The following TBCK variants were observed in gnomAD, a reference collection of about 807,000 sequenced individuals.
TBCK encodes TBC domain-containing protein kinase-like protein.
In TBCK, 99 loss-of-function variants were observed where a neutral mutation model predicts 113.4. That is an observed-to-expected ratio of 0.87 (90% confidence interval 0.74 to 1.03). The LOEUF is 1.03. TBCK is among the 50% of genes least tolerant of loss of function. TBCK has a pLI of 0.00. For synonymous variants in TBCK, 369 were observed against 370.8 expected, an observed-to-expected ratio of 1.00 and a Z score of 0.05; for missense variants, 1,045 against 1,061.3, an observed-to-expected ratio of 0.98 and a Z score of 0.21.
In TBCK at chr4:106,212,845, C is replaced by G. The variant is rs560537264; in HGVS notation, c.1775-10G>C. On this transcript the variant is annotated splice_polypyrimidine_tract_variant and intron_variant, in intron 19 of 25. Coordinates refer to ENST00000394708, the MANE Select transcript of TBCK (RefSeq NM_001163435.3). ...AAGACAGTCAGATACTCTGAAATTA[C>G]AAAGTTTGAGACAATCATCATTTTT... is the stretch of plus-strand genomic sequence containing the variant. The G allele has an allele frequency of 6.3e-7, 1 of 1,589,924 alleles. No homozygotes were observed. Among genetic ancestry groups the G allele is most frequent in the East Asian group, 2.2e-5 (1 of 44,512 alleles).
At chr4:106,116,608 A>T (rs1164007804) in intron 23 of TBCK, among the ~76,000 whole-genome samples, 4 of 152,160 alleles carry the variant, frequency 2.6e-5, no homozygotes, top group Admixed American at 2.6e-4. Flanking sequence ...GTGAATGGTA[A>T]GCAAGTCAGC....
At chr4:106,215,242 T>C (rs1374260700) in intron 19 of TBCK, among the ~76,000 whole-genome samples, 1 of 151,908 alleles carries the variant, frequency 6.6e-6, no homozygotes, top group Non-Finnish European at 1.5e-5. Context: ...GAACAACCGG[T>C]ACCAGCCGCT....
At chr4:106,160,123 A>G (rs1749596593) in intron 23 of TBCK, among the ~76,000 whole-genome samples, 1 of 152,030 alleles carries the variant, frequency 6.6e-6, no homozygotes, top group South Asian at 2.1e-4. Context: ...ACAAAAATTA[A>G]ATCAAAATAA....
At chr4:106,284,194 A>G (rs1764899753) in intron 3 of TBCK, among the ~76,000 whole-genome samples, 2 of 152,138 alleles carry the variant, frequency 1.3e-5, no homozygotes, top group Non-Finnish European at 2.9e-5. Context: ...GCATTTTGAA[A>G]CTACGGTCCT....
At chr4:106,233,525 C>T (rs1759108573) in intron 16 of TBCK, 63 bp downstream of exon 16, 1 of 1,340,614 alleles carries the variant, frequency 7.5e-7, no homozygotes, top group East Asian at 2.4e-5. Context: ...CTTCATGCTC[C>T]TTCCTAAAAT....
chr4:106,081,516 T>C (rs1738872040), intron 25 of TBCK, among the ~76,000 whole-genome samples: 1 of 151,966 alleles, frequency 6.6e-6, no homozygotes, highest in Admixed American at 6.6e-5. Context: ...CTGGGGCCTG[T>C]TGGGGGAGCT....
chr4:106,188,844 C>A (rs1429393479), intron 22 of TBCK, among the ~76,000 whole-genome samples: 1 of 152,140 alleles, frequency 6.6e-6, no homozygotes, highest in African/African-American at 2.4e-5. Context: ...TATGTGAATT[C>A]TTTCAGCTTC....
intron 12 of TBCK, among the ~76,000 whole-genome samples, chr4:106,237,813 T>G (rs963502068): frequency 6.6e-6 from 1 of 152,144 alleles, no homozygotes; most frequent in Non-Finnish European, 1.5e-5. Flanking sequence ...TTCCCAAGTT[T>G]TACTGCATTA....
intron 25 of TBCK, among the ~76,000 whole-genome samples, chr4:106,060,459 C>T (rs75994426): frequency 0.012 from 1,853 of 151,776 alleles, 38 homozygotes; most frequent in African/African-American, 0.04. Context: ...AAAGTCCGGA[C>T]GACAGCACAC....
intron 3 of TBCK, among the ~76,000 whole-genome samples, chr4:106,272,192 A>G (rs1763563390): frequency 6.6e-6 from 1 of 152,212 alleles, no homozygotes; most frequent in African/African-American, 2.4e-5. Context: ...TCTAACCTCT[A>G]AGTATCTTTC....
chr4:106,081,198 T>C (rs1258825531), intron 25 of TBCK, among the ~76,000 whole-genome samples: 1 of 152,212 alleles, frequency 6.6e-6, no homozygotes, highest in African/African-American at 2.4e-5. Flanking sequence ...CCCAAAGGAA[T>C]ATAAATCATT....
At chr4:106,307,705 T>C (rs1034380076) in intron 2 of TBCK, among the ~76,000 whole-genome samples, 1 of 152,142 alleles carries the variant, frequency 6.6e-6, no homozygotes, top group Non-Finnish European at 1.5e-5. Flanking sequence ...AAAAATTAAA[T>C]ACATTTCACT....
intron 15 of TBCK, among the ~76,000 whole-genome samples, chr4:106,234,143 T>C (rs1288832512): frequency 2.0e-5 from 3 of 152,138 alleles, no homozygotes. Flanking sequence ...TATTCTGGCT[T>C]ATTATCATGG....
In TBCK at chr4:106,248,232, A is replaced by G. The variant is rs766384277; in HGVS notation, c.782+13T>C. ...GGATCTCAATGTAATCCCAATCTCT[A>G]AATAATATCAACCTCTTAGAAGGAT... On this transcript the variant is annotated intron_variant, in intron 9 of 25. Transcript: ENST00000394708. The G allele has an allele frequency of 6.4e-7, 1 of 1,565,858 alleles. No homozygotes were observed. The highest frequency in any genetic ancestry group is 8.7e-7 in the Non-Finnish European group (1 of 1,155,182).
At chr4:106,185,095 G>A (rs1752862292) in intron 22 of TBCK, among the ~76,000 whole-genome samples, 1 of 152,104 alleles carries the variant, frequency 6.6e-6, no homozygotes, top group East Asian at 1.9e-4. Context: ...GTGGCAAGTA[G>A]AACCTTGTTC....
At chr4:106,070,410 T>C (rs1013564617) in intron 25 of TBCK, among the ~76,000 whole-genome samples, 1 of 152,234 alleles carries the variant, frequency 6.6e-6, no homozygotes, top group African/African-American at 2.4e-5. Context: ...ATGTGGTTTT[T>C]GTCTTTGGTT....
intron 3 of TBCK, among the ~76,000 whole-genome samples, chr4:106,262,514 A>G (rs1762602904): frequency 1.3e-5 from 2 of 152,102 alleles, no homozygotes; most frequent in Non-Finnish European, 2.9e-5. Flanking sequence ...ACTAACCTAT[A>G]GCAGGTTTGG....
chr4:106,193,877 T>C (rs1401332063), intron 21 of TBCK, 107 bp from the exon 22 acceptor site: 1 of 750,950 alleles, frequency 1.3e-6, no homozygotes, highest in African/African-American at 1.8e-5. Flanking sequence ...GTCAAAACTA[T>C]TACTTCAGAG....
At chr4:106,093,977 T>C (rs1740624120) in intron 25 of TBCK, among the ~76,000 whole-genome samples, 1 of 152,154 alleles carries the variant, frequency 6.6e-6, no homozygotes, top group Non-Finnish European at 1.5e-5. Context: ...GGGAGGCTGA[T>C]AATGGGAAAG....
Sources: allele counts gnomAD v4.1 joint callset (sites outside exome capture counted in the v4.1 genomes callset), GRCh38; gene constraint gnomAD v4.1.1; transcripts MANE v1.5; gene names NCBI Gene and HGNC (gene_info 2026-07-23, HGNC 2026-07-21).